Variants in PPP3CA observed in about 807,000 individuals in gnomAD.
PPP3CA encodes protein phosphatase 3 catalytic subunit alpha.
PPP3CA carries 14 observed loss-of-function variants against 66.5 expected under a neutral mutation model. The ratio of observed to expected loss-of-function variants is 0.21; its 90% CI spans 0.14 to 0.33. The LOEUF (loss-of-function observed/expected upper bound fraction) is 0.33, where lower values mean the gene tolerates loss of function less well. Among genes scored for constraint, PPP3CA ranks in the 10% least tolerant of loss-of-function variants. PPP3CA has a pLI of 1.00. For missense variants in PPP3CA, 317 were observed against 639.5 expected, an observed-to-expected ratio of 0.50 and a Z score of 5.44; for synonymous variants, 232 against 226.2, an observed-to-expected ratio of 1.03 and a Z score of -0.23.
intron 1 of PPP3CA, among the ~76,000 whole-genome samples, chr4:101,301,618 G>A (rs945871662): frequency 4.1e-5 from 6 of 147,684 alleles, no homozygotes; most frequent in African/African-American, 1.2e-4. Context: ...TCAGCCTACC[G>A]AGTAGCTAGG....
chr4:101,025,788 A>G lies in PPP3CA; in HGVS notation c.*77T>C, dbSNP rs917917712. ...CAGAGGCAAGAACATCCAACTGCTG[A>G]TATGCAGCAATCCCCATCATGCCCC... On this transcript the variant is annotated 3_prime_UTR_variant, in exon 14 of 14. Coordinates refer to ENST00000394854, the MANE Select transcript of PPP3CA (RefSeq NM_000944.5). The G allele has an allele frequency of 3.3e-6, 4 of 1,212,520 alleles. No individual in the cohort carries two copies. The African/African-American group carries it at 6.5e-5, about 20-fold the overall frequency. The allele number at this position is 1,212,520 out of a possible 1,614,324, so 75.1% of individuals were successfully genotyped here.
chr4:101,152,348 C>T (rs979859389), intron 2 of PPP3CA, among the ~76,000 whole-genome samples: 1 of 152,092 alleles, frequency 6.6e-6, no homozygotes, highest in Non-Finnish European at 1.5e-5. Context: ...GAATAACTAG[C>T]AGAAGTGTTT....
intron 1 of PPP3CA, among the ~76,000 whole-genome samples, chr4:101,320,442 A>AC (rs1472053108): frequency 2.0e-5 from 3 of 148,746 alleles, no homozygotes; most frequent in Non-Finnish European, 3.0e-5. Flanking sequence ...ACACATACAC[A>AC]AAACCACTCA....
chr4:101,105,752 C>G (rs1008707924), intron 3 of PPP3CA, among the ~76,000 whole-genome samples: 2 of 152,024 alleles, frequency 1.3e-5, no homozygotes, highest in Non-Finnish European at 2.9e-5. Context: ...GTGTTGTGAC[C>G]TTTGATTACC....
chr4:101,117,907 T>C (rs1284346854), intron 2 of PPP3CA, among the ~76,000 whole-genome samples: 1 of 152,048 alleles, frequency 6.6e-6, no homozygotes, highest in East Asian at 1.9e-4. Flanking sequence ...GCCGAATGTA[T>C]ACAAATTTGA....
chr4:101,073,151 T>A (rs1432456900), intron 8 of PPP3CA, among the ~76,000 whole-genome samples: 1 of 151,714 alleles, frequency 6.6e-6, no homozygotes, highest in Non-Finnish European at 1.5e-5. Flanking sequence ...TAAAAGCCAA[T>A]CAAAACTTCC....
At chr4:101,211,099 T>C (rs554346597) in intron 1 of PPP3CA, among the ~76,000 whole-genome samples, 1 of 152,298 alleles carries the variant, frequency 6.6e-6, no homozygotes, top group South Asian at 2.1e-4. Context: ...CTACTTTTTA[T>C]ATTCCAAAAC....
At chr4:101,332,268 C>T (rs1729411873) in intron 1 of PPP3CA, among the ~76,000 whole-genome samples, 1 of 152,188 alleles carries the variant, frequency 6.6e-6, no homozygotes, top group African/African-American at 2.4e-5. Flanking sequence ...GATCAGCCTA[C>T]AGGCATTAAT....
intron 2 of PPP3CA, among the ~76,000 whole-genome samples, chr4:101,112,077 A>G (rs1196570908): frequency 2.0e-5 from 3 of 152,140 alleles, no homozygotes; most frequent in African/African-American, 7.2e-5. Context: ...TTACCTCTGT[A>G]TATGTAAATG....
chr4:101,223,694 A>T (rs1725695534), intron 1 of PPP3CA, among the ~76,000 whole-genome samples: 2 of 151,816 alleles, frequency 1.3e-5, no homozygotes, highest in South Asian at 4.1e-4. Context: ...TCCATAAACC[A>T]AACTAATGCT....
intron 2 of PPP3CA, chr4:101,158,072 T>C (rs1436860988): frequency 2.0e-5 from 3 of 152,178 alleles, no homozygotes; most frequent in African/African-American, 7.2e-5. Context: ...TGTTTTGTCT[T>C]TGTTTTGCAC....
At chr4:101,289,516 C>T (rs1355170612) in intron 1 of PPP3CA, among the ~76,000 whole-genome samples, 1 of 152,168 alleles carries the variant, frequency 6.6e-6, no homozygotes, top group Non-Finnish European at 1.5e-5. Flanking sequence ...CAGTTGCCTT[C>T]CTCATTTTGC....
At chr4:101,262,023 C>T in intron 1 of PPP3CA, among the ~76,000 whole-genome samples, 1 of 151,946 alleles carries the variant, frequency 6.6e-6, no homozygotes, top group East Asian at 1.9e-4. Context: ...AAAAAAAATA[C>T]ATTCAATGAT....
chr4:101,333,635 G>C (rs187967444), intron 1 of PPP3CA, among the ~76,000 whole-genome samples: 31 of 152,164 alleles, frequency 2.0e-4, no homozygotes, highest in Non-Finnish European at 3.8e-4. Context: ...TCTGCCTCTT[G>C]TCTTTGATAA....
At chr4:101,165,464 C>T (rs1431480386) in intron 2 of PPP3CA, among the ~76,000 whole-genome samples, 3 of 152,066 alleles carry the variant, frequency 2.0e-5, no homozygotes, top group African/African-American at 7.2e-5. Flanking sequence ...TGAACATTAA[C>T]CTTTAATGTG....
intron 2 of PPP3CA, among the ~76,000 whole-genome samples, chr4:101,174,903 G>A (rs1724008425): frequency 6.6e-6 from 1 of 152,106 alleles, no homozygotes; most frequent in African/African-American, 2.4e-5. Flanking sequence ...TACGTAACTT[G>A]AACAGTCACA....
intron 2 of PPP3CA, among the ~76,000 whole-genome samples, chr4:101,117,900 G>A (rs904015992): frequency 4.6e-5 from 7 of 151,854 alleles, no homozygotes; most frequent in East Asian, 1.9e-4. Flanking sequence ...AATTTCAGCC[G>A]AATGTATACA....
chr4:101,082,253 G>A (rs1005044905), intron 7 of PPP3CA, among the ~76,000 whole-genome samples: 3 of 152,184 alleles, frequency 2.0e-5, no homozygotes, highest in East Asian at 1.9e-4. Flanking sequence ...CACTGGATCC[G>A]TTCACACCTG....
intron 1 of PPP3CA, among the ~76,000 whole-genome samples, chr4:101,292,037 G>A (rs1728043432): frequency 6.6e-6 from 1 of 151,418 alleles, no homozygotes. Context: ...TGAAGTGGGA[G>A]GATCACCTGA....
Sources: gnomAD v4.1 joint callset for allele counts (sites outside exome capture counted in the v4.1 genomes callset) on GRCh38, gnomAD v4.1.1 for gene constraint, MANE v1.5 for transcripts, NCBI Gene and HGNC (gene_info 2026-07-23, HGNC 2026-07-21) for gene names.